B3GALT5: variants seen among roughly 807,000 people sequenced by gnomAD.
B3GALT5 encodes the protein UDP-Gal:betaGlcNAc beta 1,3-galactosyltransferase, polypeptide 5.
For missense variants in B3GALT5, 328 were observed against 396.6 expected (o/e 0.83, Z 1.47); for synonymous variants, 156 against 158.6 (o/e 0.98, Z 0.12).
Position 39,663,823 on chromosome 21 carries a change from G to A in B3GALT5, c.*2331G>A, listed in dbSNP as rs1158219460. 2 of 152,236 alleles carry A rather than the reference G, an allele frequency of 1.3e-5. No individual in the cohort carries two copies. Among genetic ancestry groups the A allele is most frequent in the African/African-American group, 2.4e-5 (1 of 41,426 alleles). 9.4% of individuals were successfully genotyped at this position (152,236 alleles called of 1,614,324 possible). A position where few individuals can be genotyped will look rare whatever the true frequency, so the allele number is the denominator to read the frequency against. Reference sequence around the variant, plus strand: ...AGAAGGAGGGTTCCAGCTCAGCGTGGGTTTCCTGGTGCTGTCTTGTCTGGA... The same window carrying A: ...AGAAGGAGGGTTCCAGCTCAGCGTGAGTTTCCTGGTGCTGTCTTGTCTGGA... On this transcript the variant is annotated 3_prime_UTR_variant, in exon 4 of 4. Coordinates refer to ENST00000684187, the MANE Select transcript of B3GALT5 (RefSeq NM_001356336.2).
chr21:39,657,299 C>T (rs1285468532), intron 2 of B3GALT5: 1 of 152,254 alleles, frequency 6.6e-6, no homozygotes, highest in East Asian at 1.9e-4. Flanking sequence ...GAGCTGCCCT[C>T]CATGTGGGCA....
Position 39,671,621 on chromosome 21 carries a change from G to A in B3GALT5, c.*10129G>A, listed in dbSNP as rs756288825. The A allele has an allele frequency of 3.3e-5, 5 of 152,106 alleles. No homozygotes were observed. The highest frequency in any genetic ancestry group is 7.3e-5 in the Non-Finnish European group (5 of 68,040). The allele number at this position is 152,106 out of a possible 1,614,324, so 9.4% of individuals were successfully genotyped here. A position where few individuals can be genotyped will look rare whatever the true frequency, so the allele number is the denominator to read the frequency against. On this transcript the variant is annotated 3_prime_UTR_variant, in exon 4 of 4. Coordinates refer to ENST00000684187, the MANE Select transcript of B3GALT5 (RefSeq NM_001356336.2). ...TGGGACTTGTTTTTATTTCTGTTTC[G>A]TTCTACGTGACCCCAAAATCTGTAT...
chr21:39,617,852 A>C (rs1410622948), intron 1 of B3GALT5, among the ~76,000 whole-genome samples: 1 of 152,122 alleles, frequency 6.6e-6, no homozygotes, highest in Non-Finnish European at 1.5e-5. Flanking sequence ...AAGATCGGAT[A>C]CCTCTGTGGG....
Position 39,639,409 on chromosome 21 carries a change from T to C in B3GALT5, c.-391-6983T>C, listed in dbSNP as rs1163064546. Among the ~76,000 whole-genome samples the C allele has an allele frequency of 4.3e-3, 381 of 88,614 alleles. 2 individuals carry two copies. Among genetic ancestry groups the C allele is most frequent in the Middle Eastern group, 9.8e-3 (2 of 204 alleles). The allele number at this position is 88,614 out of a possible 152,430, so 58.1% of individuals were successfully genotyped here. A position where few individuals can be genotyped will look rare whatever the true frequency, so the allele number is the denominator to read the frequency against. On this transcript the variant is annotated intron_variant, in intron 1 of 3. Coordinates refer to ENST00000684187, the MANE Select transcript of B3GALT5 (RefSeq NM_001356336.2). ...TTCCTTCCTTCTTTCTTTTTCTTTC[T>C]TTCTTTCTTTCTTTCTTTCTTTCTT...
At chr21:39,628,875 T>C (rs1248953103) in intron 1 of B3GALT5, among the ~76,000 whole-genome samples, 1 of 152,246 alleles carries the variant, frequency 6.6e-6, no homozygotes, top group Non-Finnish European at 1.5e-5. Flanking sequence ...CTCATTTTAC[T>C]TTTCCATTCT....
chr21:39,615,413 C>A (rs1033273876), intron 1 of B3GALT5, among the ~76,000 whole-genome samples: 3 of 152,190 alleles, frequency 2.0e-5, no homozygotes, highest in Non-Finnish European at 2.9e-5. Flanking sequence ...GAGTATCGTG[C>A]AGGTGCAGTG....
intron 1 of B3GALT5, among the ~76,000 whole-genome samples, chr21:39,631,370 G>A (rs974969816): frequency 6.6e-6 from 1 of 152,076 alleles, no homozygotes; most frequent in Non-Finnish European, 1.5e-5. Flanking sequence ...CGCCTTCATC[G>A]TTACTTGGTG....
chr21:39,638,553 C>G (rs1488252561), intron 1 of B3GALT5, among the ~76,000 whole-genome samples: 4 of 152,216 alleles, frequency 2.6e-5, no homozygotes, highest in African/African-American at 9.6e-5. Flanking sequence ...ACCTTGCACT[C>G]ATTCTCCAAG....
At chr21:39,652,290 C>G (rs762926381) in intron 2 of B3GALT5, among the ~76,000 whole-genome samples, 5 of 152,228 alleles carry the variant, frequency 3.3e-5, no homozygotes, top group Non-Finnish European at 7.3e-5. Flanking sequence ...AAGTGTACAC[C>G]CTGTTTGTCA....
chr21:39,627,690 C>T (rs193076027), intron 1 of B3GALT5, among the ~76,000 whole-genome samples: 1 of 152,022 alleles, frequency 6.6e-6, no homozygotes, highest in African/African-American at 2.4e-5. Context: ...CTCTCTCTAC[C>T]TTTTATTTAT....
chr21:39,627,614 T>C (rs1489676804), intron 1 of B3GALT5, among the ~76,000 whole-genome samples: 3 of 152,142 alleles, frequency 2.0e-5, no homozygotes, highest in African/African-American at 4.8e-5. Context: ...ATTTTTCTGC[T>C]CCTGGACATT....
At chr21:39,616,360 T>C (rs1016233166) in intron 1 of B3GALT5, among the ~76,000 whole-genome samples, 4 of 152,230 alleles carry the variant, frequency 2.6e-5, no homozygotes, top group African/African-American at 9.6e-5. Flanking sequence ...TTTAATCTCG[T>C]TCCGTCTCCT....
chr21:39,649,036 C>T lies in B3GALT5; in HGVS notation c.-161+2414C>T, dbSNP rs527322023. On this transcript the variant is annotated intron_variant, in intron 2 of 3. Transcript: ENST00000684187. ...TGTGTGGCATTTTGTCGTGGCTGCC[C>T]GAGGTGACTAAGACAATCCTTAAAA... Among the ~76,000 whole-genome samples, 252 of 152,266 alleles carry T rather than the reference C, an allele frequency of 1.7e-3. 2 individuals carry two copies. Among genetic ancestry groups the T allele is most frequent in the Admixed American group, 5.0e-3 (77 of 15,288 alleles).
chr21:39,658,231 G>C (rs543795553), intron 2 of B3GALT5, among the ~76,000 whole-genome samples: 1 of 152,156 alleles, frequency 6.6e-6, no homozygotes, highest in Non-Finnish European at 1.5e-5. Flanking sequence ...ATGACCCCGG[G>C]TCATTTGGGT....
chr21:39,657,115 G>T (rs1011284154), intron 2 of B3GALT5, among the ~76,000 whole-genome samples: 1 of 152,210 alleles, frequency 6.6e-6, no homozygotes, highest in Non-Finnish European at 1.5e-5. Context: ...TTCTCTCCTG[G>T]CATCTATATT....
chr21:39,641,731 G>GA (rs903491399), intron 1 of B3GALT5, among the ~76,000 whole-genome samples: 1 of 152,136 alleles, frequency 6.6e-6, no homozygotes, highest in African/African-American at 2.4e-5. Context: ...AAGTGACATT[G>GA]AAAATTCTTC....
intron 2 of B3GALT5, among the ~76,000 whole-genome samples, chr21:39,650,106 A>C (rs1386973180): frequency 6.6e-6 from 1 of 152,162 alleles, no homozygotes; most frequent in Non-Finnish European, 1.5e-5. Context: ...AGGTGATCAG[A>C]AGAGGCTTCC....
rs1262322211 is a variant in B3GALT5, at chr21:39,672,776, G to T, written c.*11284G>T. On this transcript the variant is annotated 3_prime_UTR_variant, in exon 4 of 4. Coordinates refer to ENST00000684187, the MANE Select transcript of B3GALT5 (RefSeq NM_001356336.2). ...TTTGATTTTATATGTGTAGAAAAAT[G>T]TACTGAACAATGTTGACATGCTTAT... is the stretch of plus-strand genomic sequence containing the variant. 6.6e-6 allele frequency: 1 copy of T among 152,190 alleles called. No homozygotes were observed. The highest frequency in any genetic ancestry group is 1.9e-4 in the East Asian group (1 of 5,192). The allele number at this position is 152,190 out of a possible 1,614,324, so 9.4% of individuals were successfully genotyped here. A position where few individuals can be genotyped will look rare whatever the true frequency, so the allele number is the denominator to read the frequency against.
Position 39,673,051 on chromosome 21 carries a change from CTT to C in B3GALT5, c.*11561_*11562del, listed in dbSNP as rs1268083268. ...ATTGATACGATTGTACTTCTAGAGTCTTTGATGATAAGTTGTCTTTGCGGTAC... is the reference window on the plus strand; with the variant it reads ...ATTGATACGATTGTACTTCTAGAGTCTGATGATAAGTTGTCTTTGCGGTAC... On this transcript the variant is annotated 3_prime_UTR_variant, in exon 4 of 4. Coordinates refer to ENST00000684187, the MANE Select transcript of B3GALT5 (RefSeq NM_001356336.2). This position sits in a 1 kb window ranked among gnomAD's most constrained non-coding sequence, Gnocchi z 5.2. 1 of 152,296 alleles carries C rather than the reference CTT, an allele frequency of 6.6e-6. No individual in the cohort carries two copies. Among genetic ancestry groups the C allele is most frequent in the African/African-American group, 2.4e-5 (1 of 41,550 alleles). 9.4% of individuals were successfully genotyped at this position (152,296 alleles called of 1,614,324 possible).
Sources: allele counts gnomAD v4.1 joint callset (sites outside exome capture counted in the v4.1 genomes callset), GRCh38; gene constraint gnomAD v4.1.1; non-coding constraint Gnocchi (gnomAD v3.1); transcripts MANE v1.5; gene names NCBI Gene and HGNC (gene_info 2026-07-23, HGNC 2026-07-21).